RABGAP1L: variants seen among roughly 807,000 people sequenced by gnomAD.
RABGAP1L encodes the protein RAB GTPase activating protein 1 like.
RABGAP1L carries 63 observed loss-of-function variants against 137.7 expected under a neutral mutation model. The observed-to-expected ratio is 0.46, with a 90% CI of 0.37 to 0.56. The LOEUF is 0.56. RABGAP1L is among the 20% of genes least tolerant of loss of function. The pLI is 0.00. For synonymous variants in RABGAP1L, 431 were observed against 433.7 expected (o/e 0.99, Z 0.08); for missense variants, 1,095 against 1,244.0 (o/e 0.88, Z 1.80).
intron 19 of RABGAP1L, among the ~76,000 whole-genome samples, chr1:174,824,989 T>C: frequency 6.6e-6 from 1 of 152,230 alleles, no homozygotes; most frequent in South Asian, 2.1e-4. Context: ...CTGTAGTTAA[T>C]AGTTGTGATC....
chr1:174,648,821 T>C (rs1675207110), intron 14 of RABGAP1L, among the ~76,000 whole-genome samples: 1 of 152,170 alleles, frequency 6.6e-6, no homozygotes, highest in Non-Finnish European at 1.5e-5. Context: ...CCCACTATTA[T>C]TGTATGGGAG....
At chr1:174,703,549 A>G (rs958826505) in intron 17 of RABGAP1L, among the ~76,000 whole-genome samples, 1 of 152,212 alleles carries the variant, frequency 6.6e-6, no homozygotes, top group African/African-American at 2.4e-5. Context: ...CGATAAGCAT[A>G]TAAGTGCACG....
chr1:174,914,021 A>C (rs1454646572), intron 19 of RABGAP1L, among the ~76,000 whole-genome samples: 1 of 152,174 alleles, frequency 6.6e-6, no homozygotes, highest in Non-Finnish European at 1.5e-5. Context: ...TGTTGCATAA[A>C]TTTTTCTGCA....
chr1:174,709,540 C>T (rs1488231395), intron 17 of RABGAP1L, among the ~76,000 whole-genome samples: 1 of 152,188 alleles, frequency 6.6e-6, no homozygotes, highest in African/African-American at 2.4e-5. Flanking sequence ...CAAACAGGTT[C>T]TGCAGTGGAC....
At position 174,441,406 on chromosome 1, in the gene RABGAP1L, C is replaced by T. The variant is rs114112155; in HGVS notation, c.1710+47261C>T. 4.7e-3 allele frequency among the ~76,000 whole-genome samples: 717 copies of T among 152,086 alleles called. 5 individuals carry two copies. The highest frequency in any genetic ancestry group is 0.014 in the African/African-American group (588 of 41,488). On this transcript the variant is annotated intron_variant, in intron 13 of 25. Coordinates refer to ENST00000681986, the MANE Select transcript of RABGAP1L (RefSeq NM_001366446.1). ...AAATGTGTTCATATTATAATCCTAT[C>T]GGAAAAAAGTATGGTAAGAAAGAAA...
chr1:174,876,556 G>A (rs535042300), intron 19 of RABGAP1L, among the ~76,000 whole-genome samples: 1 of 152,242 alleles, frequency 6.6e-6, no homozygotes, highest in South Asian at 2.1e-4. Context: ...CTGGAAATAT[G>A]GCAGTTCATT....
At chr1:174,303,659 G>A (rs1415854899) in intron 10 of RABGAP1L, among the ~76,000 whole-genome samples, 2 of 152,012 alleles carry the variant, frequency 1.3e-5, no homozygotes, top group African/African-American at 2.4e-5. Context: ...AACAAGTAGT[G>A]TATTTTAATA....
rs190327837 is a variant in RABGAP1L, at chr1:174,435,954, C to T, written c.1710+41809C>T. ...GTTTTCTGAGAATGATGGTTTCCAG[C>T]TTCATCCGTGTCCCTACAAAGGACA... On this transcript the variant is annotated intron_variant, in intron 13 of 25. Transcript: ENST00000681986. Among the ~76,000 whole-genome samples the T allele has an allele frequency of 1.2e-3, 190 of 152,184 alleles. 1 individual carries two copies. The highest frequency in any genetic ancestry group is 4.5e-3 in the African/African-American group (186 of 41,506).
chr1:174,568,690 AGTGT>A (rs1217380064), intron 13 of RABGAP1L, among the ~76,000 whole-genome samples: 1 of 151,768 alleles, frequency 6.6e-6, no homozygotes, highest in East Asian at 1.9e-4. Flanking sequence ...AGAAAGACTG[AGTGT>A]GTGTGTGTAT....
At chr1:174,351,921 C>T (rs940067069) in intron 11 of RABGAP1L, among the ~76,000 whole-genome samples, 4 of 152,166 alleles carry the variant, frequency 2.6e-5, no homozygotes, top group Admixed American at 2.6e-4. Flanking sequence ...CTTGCCTCAG[C>T]CTCCCAGGTA....
intron 13 of RABGAP1L, among the ~76,000 whole-genome samples, chr1:174,605,629 G>C (rs1670734021): frequency 6.6e-6 from 1 of 151,896 alleles, no homozygotes; most frequent in South Asian, 2.1e-4. Context: ...AAAAGTTTTG[G>C]CACCCATCAC....
At chr1:174,311,016 T>C (rs1678781261) in intron 11 of RABGAP1L, among the ~76,000 whole-genome samples, 1 of 152,284 alleles carries the variant, frequency 6.6e-6, no homozygotes, top group African/African-American at 2.4e-5. Context: ...ATTTTTTTTG[T>C]ACCTATTAAC....
chr1:174,254,751 G>A (rs1254423210), intron 7 of RABGAP1L, among the ~76,000 whole-genome samples: 3 of 152,112 alleles, frequency 2.0e-5, no homozygotes, highest in Admixed American at 2.0e-4. Context: ...TGGACATTTG[G>A]GTTGGTTCCA....
At chr1:174,166,860 G>A (rs1457684173) in intron 1 of RABGAP1L, among the ~76,000 whole-genome samples, 2 of 152,180 alleles carry the variant, frequency 1.3e-5, no homozygotes, top group African/African-American at 4.8e-5. Flanking sequence ...GAAGTGTGTG[G>A]AAAATTTTGG....
At chr1:174,603,601 T>A (rs1207187915) in intron 13 of RABGAP1L, among the ~76,000 whole-genome samples, 2 of 152,098 alleles carry the variant, frequency 1.3e-5, no homozygotes, top group Non-Finnish European at 2.9e-5. Flanking sequence ...TTCCCACTCT[T>A]TTCTCTTCTT....
At chr1:174,599,814 G>T (rs1465299719) in intron 13 of RABGAP1L, among the ~76,000 whole-genome samples, 2 of 152,050 alleles carry the variant, frequency 1.3e-5, no homozygotes, top group Non-Finnish European at 2.9e-5. Context: ...TCTTCTTTGG[G>T]TTAAATCTGC....
chr1:174,534,256 A>G (rs72715224), intron 13 of RABGAP1L, among the ~76,000 whole-genome samples: 50,149 of 151,390 alleles, frequency 0.33, 10,197 homozygotes, highest in African/African-American at 0.57. Flanking sequence ...ATGATCGTCT[A>G]CAGTTTGCTT....
In RABGAP1L at chr1:174,662,102, C is replaced by CTTTTTT. The variant is rs749496325; in HGVS notation, c.1825-21406_1825-21401dup. Among the ~76,000 whole-genome samples the CTTTTTT allele has an allele frequency of 2.6e-3, 234 of 90,168 alleles. 2 individuals are homozygous for CTTTTTT. The highest frequency in any genetic ancestry group is 0.011 in the East Asian group (42 of 3,838). 59.2% of individuals were successfully genotyped at this position (90,168 alleles called of 152,430 possible). ...GTATCCAGAAGAAGGCTTTTCTTTT[C>CTTTTTT]TTTTTTTTTTTTTTTTTTTGAGTTG... On this transcript the variant is annotated intron_variant, in intron 14 of 25. Coordinates refer to ENST00000681986, the MANE Select transcript of RABGAP1L (RefSeq NM_001366446.1).
intron 6 of RABGAP1L, 90 bp downstream of exon 6, chr1:174,250,722 C>A: frequency 8.7e-7 from 1 of 1,147,768 alleles, no homozygotes; most frequent in Non-Finnish European, 1.2e-6. Flanking sequence ...ACAGTGTTGG[C>A]ATAAAGCCTC....
Sources: gnomAD v4.1 joint callset for allele counts (sites outside exome capture counted in the v4.1 genomes callset) on GRCh38, gnomAD v4.1.1 for gene constraint, MANE v1.5 for transcripts, NCBI Gene and HGNC (gene_info 2026-07-23, HGNC 2026-07-21) for gene names.